The following CYP19A1 variants were observed in gnomAD, a reference collection of about 807,000 sequenced individuals.
CYP19A1 encodes aromatase.
A neutral mutation model predicts 44.4 loss-of-function variants in CYP19A1; 32 were observed. That is an observed-to-expected ratio of 0.72 (90% CI 0.54 to 0.97). The LOEUF is 0.97. CYP19A1 is among the 50% of genes least tolerant of loss of function. The pLI is 0.00. For missense variants in CYP19A1, 598 were observed against 637.8 expected (o/e 0.94, Z 0.67); for synonymous variants, 212 against 215.6 (o/e 0.98, Z 0.14).
intron 9 of CYP19A1, chr15:51,211,770 G>A (rs560059416): frequency 7.8e-6 from 3 of 385,574 alleles, no homozygotes; most frequent in African/African-American, 6.3e-5. Flanking sequence ...TAATGAAGGT[G>A]GAATCTGTAG....
chr15:51,283,156 G>A (rs925701624), intron 1 of CYP19A1, among the ~76,000 whole-genome samples: 1 of 148,152 alleles, frequency 6.7e-6, no homozygotes, highest in Non-Finnish European at 1.5e-5. Context: ...GAGGACGAGT[G>A]TAAAGAACTA....
intron 1 of CYP19A1, among the ~76,000 whole-genome samples, chr15:51,288,539 C>A (rs1305594440): frequency 6.6e-6 from 1 of 152,174 alleles, no homozygotes; most frequent in East Asian, 1.9e-4. Context: ...CTGGTAAGTG[C>A]TCCATCCTCT....
At chr15:51,300,045 G>A (rs1013142477) in intron 1 of CYP19A1, among the ~76,000 whole-genome samples, 7 of 152,184 alleles carry the variant, frequency 4.6e-5, no homozygotes, top group South Asian at 2.1e-4. Context: ...AGAGTGAAAC[G>A]GCAACCGGTA....
chr15:51,332,318 C>T (rs954926266), intron 1 of CYP19A1, among the ~76,000 whole-genome samples: 5 of 152,194 alleles, frequency 3.3e-5, no homozygotes, highest in African/African-American at 7.2e-5. Flanking sequence ...TTCCTCCTCC[C>T]CCAGCATGAG....
intron 6 of CYP19A1, among the ~76,000 whole-genome samples, chr15:51,217,065 C>T (rs572328657): frequency 2.0e-5 from 3 of 152,310 alleles, no homozygotes; most frequent in African/African-American, 7.2e-5. Flanking sequence ...CTGATCCACA[C>T]ATTCATCAAA....
chr15:51,277,209 C>T (rs2035344824), intron 1 of CYP19A1: 2 of 152,290 alleles, frequency 1.3e-5, no homozygotes, highest in South Asian at 4.1e-4. Flanking sequence ...TGTTTCCAAG[C>T]TCAATTAGGA....
Position 51,208,111 on chromosome 15 carries a change from A to C in CYP19A1, c.*2697T>G, listed in dbSNP as rs937012771. 6.6e-6 allele frequency: 1 copy of C among 152,258 alleles called. No homozygotes were observed. Among genetic ancestry groups the C allele is most frequent in the Admixed American group, 6.5e-5 (1 of 15,272 alleles). 9.4% of individuals were successfully genotyped at this position (152,258 alleles called of 1,614,324 possible). A position where few individuals can be genotyped will look rare whatever the true frequency, so the allele number is the denominator to read the frequency against. On this transcript the variant is annotated 3_prime_UTR_variant, in exon 10 of 10. Transcript: ENST00000396402. ...TTCTGCAAGAATAGGTGAGAGATTC[A>C]GTCCCAGAGCCCAGCTGATATAGAT...
At chr15:51,291,235 C>T (rs933985914) in intron 1 of CYP19A1, among the ~76,000 whole-genome samples, 18 of 152,044 alleles carry the variant, frequency 1.2e-4, no homozygotes, top group Non-Finnish European at 2.1e-4. Context: ...CAGAGAGGAT[C>T]GGGTAGGCAG....
At chr15:51,235,980 T>C (rs896581059) in intron 3 of CYP19A1, among the ~76,000 whole-genome samples, 2 of 152,230 alleles carry the variant, frequency 1.3e-5, no homozygotes, top group African/African-American at 4.8e-5. Flanking sequence ...AAATTCTCCA[T>C]TTTCTAAGAT....
At chr15:51,329,346 A>T (rs1440644208) in intron 1 of CYP19A1, among the ~76,000 whole-genome samples, 1 of 152,164 alleles carries the variant, frequency 6.6e-6, no homozygotes, top group Non-Finnish European at 1.5e-5. Context: ...GGCAAACCAG[A>T]GGGGCAGGAG....
chr15:51,228,016 C>T (rs1227921651), intron 3 of CYP19A1, 83 bp from the exon 4 acceptor site: 11 of 792,068 alleles, frequency 1.4e-5, no homozygotes, highest in Admixed American at 5.1e-5. Flanking sequence ...AGGTAGCTCT[C>T]TTAGCAAATG....
In CYP19A1 at chr15:51,210,186, A is replaced by G. The variant is rs1044523551; in HGVS notation, c.*622T>C. 4 of 361,786 alleles carry G rather than the reference A, an allele frequency of 1.1e-5. No homozygotes were observed. Among genetic ancestry groups the G allele is most frequent in the African/African-American group, 6.4e-5 (3 of 46,904 alleles). The allele number at this position is 361,786 out of a possible 1,614,324, so 22.4% of individuals were successfully genotyped here. A position where few individuals can be genotyped will look rare whatever the true frequency, so the allele number is the denominator to read the frequency against. On this transcript the variant is annotated 3_prime_UTR_variant, in exon 10 of 10. Transcript: ENST00000396402. ...GGCATAAATCGACAGACTGGGAAAG[A>G]ATTTCCTCTGATTAAACTTTTGCCA...
At chr15:51,284,601 C>A (rs1048565169) in intron 1 of CYP19A1, among the ~76,000 whole-genome samples, 3 of 152,120 alleles carry the variant, frequency 2.0e-5, no homozygotes, top group Non-Finnish European at 4.4e-5. Flanking sequence ...GGGATATCGA[C>A]TTGGAGAAGG....
chr15:51,283,966 C>T (rs571705724), intron 1 of CYP19A1, among the ~76,000 whole-genome samples: 6 of 152,302 alleles, frequency 3.9e-5, no homozygotes, highest in South Asian at 2.1e-4. Flanking sequence ...AGTTAGAGGA[C>T]GCTTACCCTC....
chr15:51,314,862 T>A (rs1404754239), intron 1 of CYP19A1, among the ~76,000 whole-genome samples: 2 of 152,208 alleles, frequency 1.3e-5, no homozygotes, highest in Non-Finnish European at 2.9e-5. Flanking sequence ...TTCCTCCATT[T>A]TCCTCATTTC....
chr15:51,213,779 C>A (rs769428121), intron 8 of CYP19A1, among the ~76,000 whole-genome samples: 1 of 152,156 alleles, frequency 6.6e-6, no homozygotes, highest in African/African-American at 2.4e-5. Flanking sequence ...GAATGCCCTC[C>A]TTCGGTCTCT....
intron 1 of CYP19A1, among the ~76,000 whole-genome samples, chr15:51,324,214 G>C (rs905210574): frequency 2.6e-5 from 4 of 152,190 alleles, no homozygotes; most frequent in Non-Finnish European, 5.9e-5. Context: ...GCCCCAAAAA[G>C]AGTGGACACA....
At chr15:51,214,612 A>T (rs1478979704) in intron 8 of CYP19A1, among the ~76,000 whole-genome samples, 2 of 152,256 alleles carry the variant, frequency 1.3e-5, no homozygotes, top group African/African-American at 4.8e-5. Flanking sequence ...GAGAGTCCAC[A>T]AAAGTCTTTT....
intron 1 of CYP19A1, among the ~76,000 whole-genome samples, chr15:51,317,805 T>C (rs952886667): frequency 2.6e-5 from 4 of 152,160 alleles, no homozygotes; most frequent in Non-Finnish European, 4.4e-5. Flanking sequence ...CAGACCTCAA[T>C]AGGTTGAAGG....
Sources: gnomAD v4.1 joint callset for allele counts (sites outside exome capture counted in the v4.1 genomes callset) on GRCh38, gnomAD v4.1.1 for gene constraint, MANE v1.5 for transcripts, NCBI Gene and HGNC (gene_info 2026-07-23, HGNC 2026-07-21) for gene names.